YEATS2: variants seen among roughly 807,000 people sequenced by gnomAD.
YEATS2 encodes the protein YEATS domain containing 2.
A neutral mutation model predicts 163.2 loss-of-function variants in YEATS2; 77 were observed. The observed-to-expected ratio is 0.47, with a 90% CI of 0.39 to 0.57. The LOEUF (loss-of-function observed/expected upper bound fraction) is 0.57. Ranked by LOEUF, YEATS2 falls within the 20% of genes least tolerant of loss-of-function variation. YEATS2 has a pLI of 0.00. For synonymous variants in YEATS2, 631 were observed against 645.1 expected, an observed-to-expected ratio of 0.98 and a Z score of 0.33; for missense variants, 1,549 against 1,729.8, an observed-to-expected ratio of 0.90 and a Z score of 1.85.
intron 1 of YEATS2, among the ~76,000 whole-genome samples, chr3:183,706,929 C>G (rs760398499): frequency 6.6e-6 from 1 of 152,186 alleles, no homozygotes; most frequent in Non-Finnish European, 1.5e-5. Context: ...AAATTTCACA[C>G]CTGACCTTGT....
intron 21 of YEATS2, 105 bp from the exon 22 acceptor site, chr3:183,797,817 TG>T (rs1343905515): frequency 7.6e-6 from 11 of 1,447,758 alleles, no homozygotes; most frequent in African/African-American, 1.4e-5. Flanking sequence ...GAAGGTTAAA[TG>T]TCCTGGGAAC....
At chr3:183,807,162 C>G in intron 28 of YEATS2, 70 bp downstream of exon 28, 1 of 1,377,750 alleles carries the variant, frequency 7.3e-7, no homozygotes. Context: ...CGTTCAGCTT[C>G]ACAGACCCAG....
At position 183,747,653 on chromosome 3, in the gene YEATS2, C is replaced by A; in HGVS notation, c.925-19C>A. 6.2e-7 allele frequency: 1 copy of A among 1,608,874 alleles called. No individual in the cohort carries two copies. The highest frequency in any genetic ancestry group is 1.1e-5 in the South Asian group (1 of 90,710). On this transcript the variant is annotated intron_variant, in intron 8 of 30. Coordinates refer to ENST00000305135, the MANE Select transcript of YEATS2 (RefSeq NM_018023.5). ...TAAGTGCAGTGAAATTTAACACTCT[C>A]CCTTTTGTCTTTCCATAGCTGGATA...
intron 19 of YEATS2, among the ~76,000 whole-genome samples, chr3:183,778,114 AAAAAAAAAAAAAAAG>A (rs1723186857): frequency 6.8e-6 from 1 of 147,496 alleles, no homozygotes; most frequent in Admixed American, 6.7e-5. Flanking sequence ...TCTGTCTCAA[AAAAAAAAAAAAAAAG>A]AAAAAAAAAG....
rs1040717140 is a variant in YEATS2 at position 183,793,528 on chromosome 3, A to G, written c.3097+2548A>G. ...TTTCTGATCATGTTTTTGGCATGCAATAGATGAAGTCTCCCTGCTGTAAGT... is the reference window on the plus strand; with the variant it reads ...TTTCTGATCATGTTTTTGGCATGCAGTAGATGAAGTCTCCCTGCTGTAAGT... On this transcript the variant is annotated intron_variant, in intron 21 of 30. Coordinates refer to ENST00000305135, the MANE Select transcript of YEATS2 (RefSeq NM_018023.5). 2.9e-5 allele frequency: 23 copies of G among 803,044 alleles called. No individual in the cohort carries two copies. In the African/African-American group the frequency reaches 3.8e-4, roughly 13 times the overall value. The allele number at this position is 803,044 out of a possible 1,614,324, so 49.7% of individuals were successfully genotyped here.
At chr3:183,760,898 A>G (rs1255116929) in intron 13 of YEATS2, among the ~76,000 whole-genome samples, 1 of 152,124 alleles carries the variant, frequency 6.6e-6, no homozygotes, top group African/African-American at 2.4e-5. Context: ...TTAGTGGTTT[A>G]CCAACTATCG....
At chr3:183,715,428 T>C (rs746467966) in intron 2 of YEATS2, among the ~76,000 whole-genome samples, 166 bp downstream of exon 2, 1 of 152,170 alleles carries the variant, frequency 6.6e-6, no homozygotes, top group African/African-American at 2.4e-5. Context: ...CCATGTGTGC[T>C]GTAAAAAGTG....
intron 21 of YEATS2, among the ~76,000 whole-genome samples, chr3:183,797,200 T>C (rs1725231200): frequency 7.1e-6 from 1 of 140,042 alleles, no homozygotes; most frequent in Admixed American, 7.6e-5. Context: ...ACCTGGGAGA[T>C]GGATGTTGCA....
chr3:183,792,519 G>GTAC (rs1475802613), intron 21 of YEATS2, among the ~76,000 whole-genome samples: 2 of 152,068 alleles, frequency 1.3e-5, no homozygotes, highest in African/African-American at 4.8e-5. Flanking sequence ...GTATTGTACT[G>GTAC]TATTATTATT....
At chr3:183,717,602 C>T (rs772437336) in intron 2 of YEATS2, 49 bp from the exon 3 acceptor site, 1 of 1,329,752 alleles carries the variant, frequency 7.5e-7, no homozygotes. Context: ...TAAATAAAGA[C>T]AGTCACTGAT....
intron 19 of YEATS2, among the ~76,000 whole-genome samples, chr3:183,781,390 A>G (rs1286976872): frequency 6.6e-6 from 1 of 152,186 alleles, no homozygotes; most frequent in East Asian, 1.9e-4. Flanking sequence ...GAATTCGCCC[A>G]TTGTCCGCCT....
chr3:183,761,020 A>G (rs1276405602), intron 13 of YEATS2, among the ~76,000 whole-genome samples: 1 of 152,158 alleles, frequency 6.6e-6, no homozygotes, highest in Non-Finnish European at 1.5e-5. Context: ...TTTTCTTTGC[A>G]TTTGTTTTCT....
Position 183,795,005 on chromosome 3 carries a change from TAAA to T in YEATS2, c.3098-2906_3098-2904del, listed in dbSNP as rs10636195. 2.1e-5 allele frequency among the ~76,000 whole-genome samples: 3 copies of T among 144,268 alleles called. No homozygotes were observed. In the East Asian group the frequency reaches 6.2e-4, roughly 30 times the overall value. 94.6% of individuals were successfully genotyped at this position (144,268 alleles called of 152,430 possible). The stretch of plus-strand genomic sequence containing the variant: ...GGCAATGTGACAAGACCCCATTTCT[TAAA>T]AAAAAAAAAAATTAGCTGGGCATGG... On this transcript the variant is annotated intron_variant, in intron 21 of 30. Transcript: ENST00000305135.
intron 1 of YEATS2, among the ~76,000 whole-genome samples, chr3:183,712,194 T>TTTATGTTATTTTATTTTATG (rs1278134054): frequency 6.4e-4 from 59 of 92,470 alleles, no homozygotes; most frequent in African/African-American, 4.4e-3. Flanking sequence ...GTTCTTTTAT[T>TTTATGTTATTTTATTTTATG]TTATTTTATT....
chr3:183,806,668 A>C (rs911167992), intron 27 of YEATS2, 198 bp from the exon 28 acceptor site: 21 of 596,750 alleles, frequency 3.5e-5, no homozygotes, highest in Middle Eastern at 4.6e-4. Context: ...GATCACACAC[A>C]AGATGCCTGT....
intron 5 of YEATS2, among the ~76,000 whole-genome samples, chr3:183,722,905 G>A (rs764464184): frequency 4.6e-5 from 7 of 152,082 alleles, no homozygotes; most frequent in Non-Finnish European, 8.8e-5. Context: ...GCCTGCCTCG[G>A]CCTCTCAAAG....
intron 1 of YEATS2, among the ~76,000 whole-genome samples, chr3:183,714,925 T>C (rs1035115023): frequency 1.3e-5 from 2 of 152,014 alleles, no homozygotes; most frequent in African/African-American, 4.8e-5. Context: ...TTTTTTTTTT[T>C]GGTGGAAACT....
At chr3:183,718,955 C>T (rs1205359166) in intron 4 of YEATS2, among the ~76,000 whole-genome samples, 1 of 151,814 alleles carries the variant, frequency 6.6e-6, no homozygotes, top group African/African-American at 2.4e-5. Context: ...TTGGCCTCCC[C>T]AAGTGCTGGG....
intron 1 of YEATS2, among the ~76,000 whole-genome samples, chr3:183,699,018 G>A (rs977946594): frequency 4.6e-5 from 7 of 152,144 alleles, no homozygotes; most frequent in Admixed American, 2.0e-4. Flanking sequence ...TTGAGAAGGC[G>A]AGTAGCATGA....
Sources: gnomAD v4.1 joint callset for allele counts (sites outside exome capture counted in the v4.1 genomes callset) on GRCh38, gnomAD v4.1.1 for gene constraint, MANE v1.5 for transcripts, NCBI Gene and HGNC (gene_info 2026-07-23, HGNC 2026-07-21) for gene names.